The following PTPN14 variants were observed in gnomAD, a reference collection of about 807,000 sequenced individuals.
PTPN14 encodes the protein protein tyrosine phosphatase non-receptor type 14, also known as tyrosine-protein phosphatase non-receptor type 14.
A neutral mutation model predicts 126.8 loss-of-function variants in PTPN14; 53 were observed. That is an observed-to-expected ratio of 0.42 (90% CI 0.34 to 0.53). The LOEUF (loss-of-function observed/expected upper bound fraction) is 0.53. PTPN14 is among the 20% of genes least tolerant of loss of function. The pLI is 0.08. For missense variants in PTPN14, 1,257 were observed against 1,552.9 expected, an observed-to-expected ratio of 0.81 and a Z score of 3.20; for synonymous variants, 630 against 599.3, an observed-to-expected ratio of 1.05 and a Z score of -0.75.
chr1:214,364,680 A>G lies in PTPN14; in HGVS notation c.3272-5T>C, dbSNP rs199717902. The G allele has an allele frequency of 4.9e-4, 789 of 1,608,704 alleles. 5 individuals carry two copies. The African/African-American group carries it at 1.0e-2, about 20-fold the overall frequency. On this transcript the variant is annotated splice_polypyrimidine_tract_variant and splice_region_variant and intron_variant, in intron 17 of 18. Coordinates refer to ENST00000366956, the MANE Select transcript of PTPN14 (RefSeq NM_005401.5). This position sits in a 1 kb window ranked among gnomAD's most constrained non-coding sequence, Gnocchi z 4.1. ...ACTGGATCTCCTCCAAGTAGGCTGCAGGACAAAATGCAAATTCTGTCACCA... is the reference window on the plus strand; with the variant it reads ...ACTGGATCTCCTCCAAGTAGGCTGCGGGACAAAATGCAAATTCTGTCACCA...
intron 1 of PTPN14, among the ~76,000 whole-genome samples, chr1:214,501,729 C>T: frequency 6.6e-6 from 1 of 152,018 alleles, no homozygotes; most frequent in East Asian, 1.9e-4. Flanking sequence ...AGAGAAAAAC[C>T]AAGTTAAATC....
chr1:214,422,538 T>C (rs1659566023), intron 3 of PTPN14, among the ~76,000 whole-genome samples: 1 of 152,216 alleles, frequency 6.6e-6, no homozygotes, highest in South Asian at 2.1e-4. Context: ...TTCATAATAT[T>C]ACCTACAACT....
intron 1 of PTPN14, among the ~76,000 whole-genome samples, chr1:214,472,565 G>A (rs1484313884): frequency 1.3e-5 from 2 of 152,180 alleles, no homozygotes; most frequent in Admixed American, 1.3e-4. Context: ...GAGATCACTA[G>A]CTTTTTGACA....
intron 13 of PTPN14, among the ~76,000 whole-genome samples, chr1:214,381,830 A>G (rs898169439): frequency 3.5e-4 from 54 of 152,232 alleles, no homozygotes; most frequent in Admixed American, 3.4e-3. Flanking sequence ...AGAGAAGTCA[A>G]TCTGGCTTTG....
intron 1 of PTPN14, among the ~76,000 whole-genome samples, chr1:214,548,070 T>G (rs928969550): frequency 6.6e-6 from 1 of 152,214 alleles, no homozygotes; most frequent in African/African-American, 2.4e-5. Flanking sequence ...TGTGAGGTAC[T>G]GTTATACAGC....
At chr1:214,389,886 T>C (rs1052815588) in intron 11 of PTPN14, among the ~76,000 whole-genome samples, 1 of 152,240 alleles carries the variant, frequency 6.6e-6, no homozygotes, top group African/African-American at 2.4e-5. Flanking sequence ...AACGTATCTG[T>C]TACATTTTCA....
At chr1:214,401,841 T>C in intron 6 of PTPN14, 69 bp from the exon 7 acceptor site, 1 of 1,257,794 alleles carries the variant, frequency 8.0e-7, no homozygotes, top group Non-Finnish European at 1.1e-6. Flanking sequence ...ACTCTCCTGA[T>C]GGCAAATTCC....
intron 5 of PTPN14, 57 bp downstream of exon 5, chr1:214,411,627 G>A: frequency 1.6e-6 from 2 of 1,273,902 alleles, no homozygotes; most frequent in Non-Finnish European, 2.2e-6. Context: ...TCAAAGGAAA[G>A]AACTAAATGT....
At position 214,366,998 on chromosome 1, in the gene PTPN14, A is replaced by C. The variant is rs1001834692; in HGVS notation, c.3272-2323T>G. Among the ~76,000 whole-genome samples the C allele has an allele frequency of 8.4e-3, 1,281 of 152,076 alleles. 18 individuals carry two copies. Among genetic ancestry groups the C allele is most frequent in the African/African-American group, 0.028 (1,156 of 41,462 alleles). On this transcript the variant is annotated intron_variant, in intron 17 of 18. Transcript: ENST00000366956. Reference sequence around the variant, plus strand: ...GACTCCATCTCAAAAAAAAAAAAAAAAATACTATGTCTTTTTTGGTAATTT... The same window carrying C: ...GACTCCATCTCAAAAAAAAAAAAAACAATACTATGTCTTTTTTGGTAATTT...
rs1228071400 is a variant in PTPN14, at chr1:214,354,286, C to T, written c.*3636G>A. On this transcript the variant is annotated 3_prime_UTR_variant, in exon 19 of 19. Coordinates refer to ENST00000366956, the MANE Select transcript of PTPN14 (RefSeq NM_005401.5). ...TCAATTTAAGCTCCTCAAAAGCTTA[C>T]GATTCAAAATATTCCACATAGGTAT... 12 of 152,234 alleles carry T rather than the reference C, an allele frequency of 7.9e-5. No individual in the cohort carries two copies. Among genetic ancestry groups the T allele is most frequent in the African/African-American group, 1.9e-4 (8 of 41,468 alleles). 9.4% of individuals were successfully genotyped at this position (152,234 alleles called of 1,614,324 possible). A position where few individuals can be genotyped will look rare whatever the true frequency, so the allele number is the denominator to read the frequency against.
In PTPN14 at chr1:214,354,987, T is replaced by A. The variant is rs1260207834; in HGVS notation, c.*2935A>T. 6.6e-6 allele frequency: 1 copy of A among 152,234 alleles called. No homozygotes were observed. The highest frequency in any genetic ancestry group is 2.4e-5 in the African/African-American group (1 of 41,464). 9.4% of individuals were successfully genotyped at this position (152,234 alleles called of 1,614,324 possible). A position where few individuals can be genotyped will look rare whatever the true frequency, so the allele number is the denominator to read the frequency against. ...ATTATGCAGATGCCACCGAAAGGAC[T>A]TTAAATGGCTGCTGCTAATTTAACA... is the stretch of plus-strand genomic sequence containing the variant. On this transcript the variant is annotated 3_prime_UTR_variant, in exon 19 of 19. Coordinates refer to ENST00000366956, the MANE Select transcript of PTPN14 (RefSeq NM_005401.5).
chr1:214,407,295 C>T (rs1194643886), intron 5 of PTPN14, among the ~76,000 whole-genome samples: 1 of 152,010 alleles, frequency 6.6e-6, no homozygotes, highest in Non-Finnish European at 1.5e-5. Flanking sequence ...GAGGCTGAGG[C>T]GGGTGGATCA....
At chr1:214,520,207 G>A (rs1291647115) in intron 1 of PTPN14, among the ~76,000 whole-genome samples, 6 of 151,960 alleles carry the variant, frequency 3.9e-5, no homozygotes, top group Admixed American at 2.6e-4. Context: ...AGCTTACTAT[G>A]TGGCAGGCTT....
chr1:214,366,026 G>A (rs182549347), intron 17 of PTPN14, among the ~76,000 whole-genome samples: 3 of 152,268 alleles, frequency 2.0e-5, no homozygotes, highest in Admixed American at 6.5e-5. Context: ...TCAGTCGGAT[G>A]TGGTGGCACG....
chr1:214,532,916 C>A lies in PTPN14; in HGVS notation c.-155+18267G>T, dbSNP rs571563879. On this transcript the variant is annotated intron_variant, in intron 1 of 18. Transcript: ENST00000366956. Reference sequence around the variant, plus strand: ...GCCCCCAAATCTCAGGACCTCGCCACGATCATGGCAGACATCTGGGCCCAA... The same window carrying A: ...GCCCCCAAATCTCAGGACCTCGCCAAGATCATGGCAGACATCTGGGCCCAA... 31 of 893,196 alleles carry A rather than the reference C, an allele frequency of 3.5e-5. No individual in the cohort carries two copies. The African/African-American group carries it at 4.7e-4, about 14-fold the overall frequency. 55.3% of individuals were successfully genotyped at this position (893,196 alleles called of 1,614,324 possible).
At chr1:214,549,942 T>C (rs1017759879) in intron 1 of PTPN14, among the ~76,000 whole-genome samples, 5 of 152,176 alleles carry the variant, frequency 3.3e-5, no homozygotes, top group African/African-American at 4.8e-5. Context: ...TAAATGCCCC[T>C]CAGGCCCCCA....
chr1:214,377,820 T>C (rs1445819919), intron 14 of PTPN14, 139 bp downstream of exon 14: 1 of 1,097,504 alleles, frequency 9.1e-7, no homozygotes, highest in Admixed American at 2.3e-5. Context: ...TGCAACACAG[T>C]TATACCTGAT....
At chr1:214,478,474 A>G (rs962640920) in intron 1 of PTPN14, among the ~76,000 whole-genome samples, 4 of 152,188 alleles carry the variant, frequency 2.6e-5, no homozygotes, top group Non-Finnish European at 5.9e-5. Context: ...CAGAGATATA[A>G]GAGGAGGAAC....
chr1:214,474,954 C>T (rs568356833), intron 1 of PTPN14, among the ~76,000 whole-genome samples: 25 of 152,262 alleles, frequency 1.6e-4, no homozygotes, highest in Admixed American at 9.8e-4. Flanking sequence ...ATTCTAAGTA[C>T]ATCTTGAATA....
Sources: gnomAD v4.1 joint callset for allele counts (sites outside exome capture counted in the v4.1 genomes callset) on GRCh38, gnomAD v4.1.1 for gene constraint, Gnocchi (gnomAD v3.1) non-coding constraint, MANE v1.5 for transcripts, NCBI Gene and HGNC (gene_info 2026-07-23, HGNC 2026-07-21) for gene names.